SETD1B: variants seen among roughly 807,000 people sequenced by gnomAD.
The protein encoded by SETD1B is histone-lysine N-methyltransferase SETD1B.
A neutral mutation model predicts 148.0 loss-of-function variants in SETD1B; 7 were observed. The ratio of observed to expected loss-of-function variants is 0.05; its 90% CI spans 0.03 to 0.09. The LOEUF (loss-of-function observed/expected upper bound fraction) is 0.09, where lower values mean the gene tolerates loss of function less well. Ranked by LOEUF, SETD1B falls within the 10% of genes least tolerant of loss-of-function variation. SETD1B has a pLI of 1.00. For missense variants in SETD1B, 2,155 were observed against 2,729.9 expected (o/e 0.79, Z 4.69); for synonymous variants, 1,361 against 1,186.5 (o/e 1.15, Z -3.02).
At position 121,810,823 on chromosome 12, in the gene SETD1B, G is replaced by A; in HGVS notation, c.1878G>A (p.Glu626=). The part of the protein sequence containing the change: ...DLVGDRTPTS[E]KMDEGQQSSG... ...TTGGAGACAGAACCCCGACCTCAGA[G>A]AAGATGGATGAGGTACCACCGTGTC... The change falls in exon 6 of 17, where the codon GAG becomes GAA. Residue 626 remains glutamate (E), a synonymous_variant. Transcript: ENST00000604567. The surrounding 1 kb of genome is among the most constrained non-coding windows in gnomAD (Gnocchi z 7.6). 6.6e-7 allele frequency: 1 copy of A among 1,507,954 alleles called. No homozygotes were observed. Among genetic ancestry groups the A allele is most frequent in the Non-Finnish European group, 8.9e-7 (1 of 1,121,410 alleles). 93.4% of individuals were successfully genotyped at this position (1,507,954 alleles called of 1,614,324 possible).
chr12:121,809,803 C>T lies in SETD1B; in HGVS notation c.858C>T (p.Asp286=). ...GCCTGGGCACCCCTTTCTCACAGGA[C>T]TCCAGCTACTCCAGCCGCCAGCCCA... ...TPRLGTPFSQ[D]SSYSSRQPTP... Residue 286 remains aspartate, a synonymous_variant, in exon 6 of 17, where the codon GAC becomes GAT. Coordinates refer to ENST00000604567, the MANE Select transcript of SETD1B (RefSeq NM_001353345.2). 6.4e-7 allele frequency: 1 copy of T among 1,551,578 alleles called. No homozygotes were observed. Among genetic ancestry groups the T allele is most frequent in the Non-Finnish European group, 8.7e-7 (1 of 1,146,990 alleles).
rs1421949602 is a variant in SETD1B, at chr12:121,804,318, A to AGCGG, written c.-15+98_-15+101dup. 9.1e-5 allele frequency: 13 copies of AGCGG among 143,320 alleles called. No homozygotes were observed. The highest frequency in any genetic ancestry group is 2.1e-4 in the East Asian group (1 of 4,826). The allele number at this position is 143,320 out of a possible 1,614,324, so 8.9% of individuals were successfully genotyped here. A position where few individuals can be genotyped will look rare whatever the true frequency, so the allele number is the denominator to read the frequency against. ...GCCCCGGCCCTGGCCCGAGCGGGCG[A>AGCGG]GCGGGCGGGCGGGCGGCGGCGCCGC... On this transcript the variant is annotated intron_variant, in intron 1 of 16. Transcript: ENST00000604567. The surrounding 1 kb of genome is among the most constrained non-coding windows in gnomAD (Gnocchi z 4.6).
At chr12:121,815,843 T>TC (rs1491575716) in intron 7 of SETD1B, among the ~76,000 whole-genome samples, 1 of 148,944 alleles carries the variant, frequency 6.7e-6, no homozygotes, top group Non-Finnish European at 1.5e-5. Context: ...TTTTTTTTTT[T>TC]CGGAGATGGA....
At chr12:121,802,905 A>G (rs1351371645), upstream of SETD1B, 1 of 152,270 alleles carries the variant, frequency 6.6e-6, no homozygotes, top group Non-Finnish European at 1.5e-5. Flanking sequence ...ATTGCAGAAA[A>G]ATGGCTTCCC....
At chr12:121,821,009 G>A (rs560908132) in intron 11 of SETD1B, among the ~76,000 whole-genome samples, 78 of 152,360 alleles carry the variant, frequency 5.1e-4, no homozygotes, top group African/African-American at 1.8e-3. Context: ...GTTCTGCAAG[G>A]CAGACTACAA....
chr12:121,825,496 AG>A, intron 13 of SETD1B, 130 bp downstream of exon 13: 1 of 365,048 alleles, frequency 2.7e-6, no homozygotes, highest in Non-Finnish European at 5.3e-6. Flanking sequence ...AGAGGGTGCA[AG>A]TGGAAGGGGA....
the SETD1B span, chr12:121,797,363 CG>C: frequency 6.8e-6 from 3 of 438,124 alleles, no homozygotes; most frequent in South Asian, 4.8e-5. Context: ...GCAGCGGCCC[CG>C]CCCCGCGTTC....
chr12:121,821,621 C>T (rs1033492293), intron 11 of SETD1B, among the ~76,000 whole-genome samples: 4 of 149,260 alleles, frequency 2.7e-5, no homozygotes, highest in African/African-American at 5.0e-5. Flanking sequence ...CGTGGTGGCA[C>T]GTGCCTGTAA....
rs752935389 is a variant in SETD1B, at chr12:121,817,632, G to A, written c.3240G>A (p.Ala1080=). The A allele has an allele frequency of 2.9e-5, 42 of 1,424,318 alleles. No homozygotes were observed. In the South Asian group the frequency reaches 3.8e-4, roughly 13 times the overall value. 88.2% of individuals were successfully genotyped at this position (1,424,318 alleles called of 1,614,324 possible). Residue 1080 remains alanine (A), a synonymous_variant, in exon 9 of 17, where the codon GCG becomes GCA. Coordinates refer to ENST00000604567, the MANE Select transcript of SETD1B (RefSeq NM_001353345.2). The surrounding 1 kb of genome is among the most constrained non-coding windows in gnomAD (Gnocchi z 8.1). ...EQESTEEEEE[A]EEEEEEEVPR... ...AGAGCACCGAGGAGGAAGAGGAGGC[G>A]GAGGAGGAGGAGGAGGAGGAAGTCC...
At chr12:121,791,075 T>A in the SETD1B span, among the ~76,000 whole-genome samples, 5 of 151,884 alleles carry the variant, frequency 3.3e-5, no homozygotes, top group Non-Finnish European at 7.4e-5. Context: ...GGTTTCATCA[T>A]GTTGCCCAGG....
rs1405191356 is a variant in SETD1B at position 121,805,432 on chromosome 12, A to G, written c.273+216A>G. ...GTGAAACTGTAATCACGGCGCAGAT[A>G]CAGTGTCCTGCACGCCCCGCGGGGG... On this transcript the variant is annotated intron_variant, in intron 3 of 16. Coordinates refer to ENST00000604567, the MANE Select transcript of SETD1B (RefSeq NM_001353345.2). The surrounding 1 kb of genome is among the most constrained non-coding windows in gnomAD (Gnocchi z 4.2). 1.3e-5 allele frequency among the ~76,000 whole-genome samples: 2 copies of G among 152,168 alleles called. No individual in the cohort carries two copies. The highest frequency in any genetic ancestry group is 2.9e-5 in the Non-Finnish European group (2 of 68,028).
At position 121,804,119 on chromosome 12, in the gene SETD1B, CGCG is replaced by C; in HGVS notation, c.-119_-117del. On this transcript the variant is annotated 5_prime_UTR_variant, in exon 1 of 17. Transcript: ENST00000604567. This position sits in a 1 kb window ranked among gnomAD's most constrained non-coding sequence, Gnocchi z 4.6. ...CGGCAGCAGCTCCGGGCCCGGCAGCCGCGGCGGCGGCGCCCCCCCTTCCTGGCC... is the reference window on the plus strand; with the variant it reads ...CGGCAGCAGCTCCGGGCCCGGCAGCCGCGGCGGCGCCCCCCCTTCCTGGCC... 1 of 151,732 alleles carries C rather than the reference CGCG, an allele frequency of 6.6e-6. No homozygotes were observed. The allele number at this position is 151,732 out of a possible 1,614,324, so 9.4% of individuals were successfully genotyped here.
Position 121,809,617 on chromosome 12 carries a change from G to T in SETD1B, c.672G>T (p.Leu224=). 1 of 1,549,222 alleles carries T rather than the reference G, an allele frequency of 6.5e-7. No individual in the cohort carries two copies. The highest frequency in any genetic ancestry group is 8.7e-7 in the Non-Finnish European group (1 of 1,145,576). The part of the protein sequence containing the change: ...VNETLQLSDA[L]KRLKDGGLSA... The stretch of plus-strand genomic sequence containing the variant: ...TCTCTCCTTAGCTGTCAGATGCCCT[G>T]AAGCGCCTCAAGGATGGAGGCCTGT... The change falls in exon 6 of 17, where the codon CTG becomes CTT. Residue 224 remains leucine, a synonymous_variant. Transcript: ENST00000604567.
chr12:121,792,067 G>A, the SETD1B span, among the ~76,000 whole-genome samples: 1 of 146,746 alleles, frequency 6.8e-6, no homozygotes, highest in Non-Finnish European at 1.5e-5. Flanking sequence ...AGGTTCCTCA[G>A]AGGCCACGAT....
At position 121,808,806 on chromosome 12, in the gene SETD1B, T is replaced by C. The variant is rs1242955958; in HGVS notation, c.657+486T>C. 6.6e-6 allele frequency among the ~76,000 whole-genome samples: 1 copy of C among 152,206 alleles called. No individual in the cohort carries two copies. The highest frequency in any genetic ancestry group is 1.5e-5 in the Non-Finnish European group (1 of 68,034). On this transcript the variant is annotated intron_variant, in intron 5 of 16. Transcript: ENST00000604567. This position sits in a 1 kb window ranked among gnomAD's most constrained non-coding sequence, Gnocchi z 5.3. ...GGACAACTCTCGCGTGGGGCGAGTC[T>C]CATGCCAGCTCCTCCCTGGCATCAG...
Position 121,822,679 on chromosome 12 carries a change from G to A in SETD1B, c.4100G>A (p.Cys1367Tyr). Reference sequence around the variant, plus strand: ...CACCCCCCGCATACTCCAGGCCTCTGTGGCAGCCTGGCCAAGTCGCAGAGC... The same window carrying A: ...CACCCCCCGCATACTCCAGGCCTCTATGGCAGCCTGGCCAAGTCGCAGAGC... ...EDHPPHTPGL[C>Y]GSLAKSQSTE... is the part of the protein sequence containing the mutation. The change falls in exon 12 of 17, where the codon TGT (cysteine) becomes TAT (tyrosine). Residue 1367 changes from cysteine to tyrosine, a missense_variant. Around this residue, in one of 11 missense-constraint regions of SETD1B, gnomAD observed 862 missense variants for 873.8 expected, o/e 0.99. Transcript: ENST00000604567. 6.5e-7 allele frequency: 1 copy of A among 1,543,176 alleles called. No individual in the cohort carries two copies. Among genetic ancestry groups the A allele is most frequent in the Non-Finnish European group, 8.8e-7 (1 of 1,140,956 alleles).
At chr12:121,821,529 C>G (rs1221708150) in intron 11 of SETD1B, among the ~76,000 whole-genome samples, 2 of 151,678 alleles carry the variant, frequency 1.3e-5, no homozygotes, top group African/African-American at 2.4e-5. Context: ...GTAGGCAGAT[C>G]AACTGAGGTC....
rs148236331 is a variant in SETD1B at position 121,808,287 on chromosome 12, C to T, written c.624C>T (p.Asp208=). The T allele has an allele frequency of 5.3e-4, 826 of 1,550,634 alleles. 5 individuals carry two copies. The African/African-American group carries it at 9.7e-3, about 18-fold the overall frequency. ...TPQTLPVGEL[D]AVSPIVNETL... The stretch of plus-strand genomic sequence containing the variant: ...AGACCCTCCCAGTGGGCGAGCTGGA[C>T]GCTGTCTCTCCAATCGTGAATGAGA... The change falls in exon 5 of 17, where the codon GAC becomes GAT. Residue 208 remains aspartate (D), a synonymous_variant. Coordinates refer to ENST00000604567, the MANE Select transcript of SETD1B (RefSeq NM_001353345.2). This position sits in a 1 kb window ranked among gnomAD's most constrained non-coding sequence, Gnocchi z 5.3.
rs1373092581 is a variant in SETD1B, at chr12:121,808,790, T to G, written c.657+470T>G. Among the ~76,000 whole-genome samples, 3 of 152,202 alleles carry G rather than the reference T, an allele frequency of 2.0e-5. No individual in the cohort carries two copies. The highest frequency in any genetic ancestry group is 7.2e-5 in the African/African-American group (3 of 41,448). On this transcript the variant is annotated intron_variant, in intron 5 of 16. Coordinates refer to ENST00000604567, the MANE Select transcript of SETD1B (RefSeq NM_001353345.2). This position sits in a 1 kb window ranked among gnomAD's most constrained non-coding sequence, Gnocchi z 5.3. ...GCCTTCCAGGACACAGGGACAACTCTCGCGTGGGGCGAGTCTCATGCCAGC... is the reference window on the plus strand; with the variant it reads ...GCCTTCCAGGACACAGGGACAACTCGCGCGTGGGGCGAGTCTCATGCCAGC...
Sources: gnomAD v4.1 joint callset for allele counts (sites outside exome capture counted in the v4.1 genomes callset) on GRCh38, gnomAD v4.1.1 for gene constraint, gnomAD v4.1.1 regional missense constraint, Gnocchi (gnomAD v3.1) non-coding constraint, MANE v1.5 for transcripts, NCBI Gene and HGNC (gene_info 2026-07-23, HGNC 2026-07-21) for gene names.